The following MBNL2 variants were observed in gnomAD, a reference collection of about 807,000 sequenced individuals.
MBNL2 encodes the protein muscleblind like splicing regulator 2, also known as muscleblind-like protein 2.
A neutral mutation model predicts 41.9 loss-of-function variants in MBNL2; 17 were observed. That is an observed-to-expected ratio of 0.41 (90% confidence interval 0.28 to 0.61). The LOEUF is 0.61. Ranked by LOEUF, MBNL2 falls within the 20% of genes least tolerant of loss-of-function variation. The pLI is 0.35. For missense variants in MBNL2, 336 were observed against 505.6 expected (o/e 0.66, Z 3.22); for synonymous variants, 195 against 182.9 (o/e 1.07, Z -0.53).
intron 1 of MBNL2, among the ~76,000 whole-genome samples, chr13:97,245,401 C>T (rs758259723): frequency 1.3e-5 from 2 of 152,156 alleles, no homozygotes; most frequent in African/African-American, 2.4e-5. Flanking sequence ...CTTGGCATAT[C>T]ATAGGCTATT....
At chr13:97,375,470 A>G (rs1271794998) in intron 8 of MBNL2, among the ~76,000 whole-genome samples, 1 of 152,184 alleles carries the variant, frequency 6.6e-6, no homozygotes, top group Non-Finnish European at 1.5e-5. Context: ...AATGAGACAG[A>G]GAAGGGACAG....
At chr13:97,363,933 A>G (rs544136640) in intron 7 of MBNL2, among the ~76,000 whole-genome samples, 2 of 152,262 alleles carry the variant, frequency 1.3e-5, no homozygotes, top group African/African-American at 4.8e-5. Context: ...TCCAACTAAT[A>G]TCTCAGAAGT....
At chr13:97,265,396 T>A (rs1344640193) in intron 1 of MBNL2, among the ~76,000 whole-genome samples, 1 of 152,196 alleles carries the variant, frequency 6.6e-6, no homozygotes, top group African/African-American at 2.4e-5. Context: ...GAAAGTATGT[T>A]CCAGAGGACA....
the MBNL2 span, among the ~76,000 whole-genome samples, chr13:97,150,754 G>A: frequency 1.1e-4 from 16 of 152,148 alleles, no homozygotes; most frequent in Non-Finnish European, 1.9e-4. Context: ...TGATCCTCTT[G>A]CCACTTGCCT....
At position 97,245,434 on chromosome 13, in the gene MBNL2, T is replaced by C. The variant is rs1442949136; in HGVS notation, c.-605+22903T>C. On this transcript the variant is annotated intron_variant, in intron 1 of 8. Transcript: ENST00000679496. ...ATTCCAAGTGGTTACAAAGCTAGGA[T>C]TCTCACAAAAGTCATCCCCCGTCTT... 5.9e-5 allele frequency among the ~76,000 whole-genome samples: 9 copies of C among 152,276 alleles called. No homozygotes were observed. The East Asian group carries it at 1.7e-3, about 29-fold the overall frequency.
chr13:97,187,321 T>G, the MBNL2 span, among the ~76,000 whole-genome samples: 1 of 152,006 alleles, frequency 6.6e-6, no homozygotes, highest in South Asian at 2.1e-4. Flanking sequence ...AATCCACCAC[T>G]GAGATTTAGT....
At chr13:97,144,420 C>CTTTTTTTTTTTTTTTTTTTTTTTTTTTT in the MBNL2 span, among the ~76,000 whole-genome samples, 1 of 87,606 alleles carries the variant, frequency 1.1e-5, no homozygotes, top group African/African-American at 5.6e-5. Flanking sequence ...AGACATGATA[C>CTTTTTTTTTTTTTTTTTTTTTTTTTTTT]TTCTTTTTTT....
the MBNL2 span, among the ~76,000 whole-genome samples, chr13:97,194,717 T>C: frequency 6.6e-6 from 1 of 152,186 alleles, no homozygotes; most frequent in Non-Finnish European, 1.5e-5. Context: ...AAACTCAAGA[T>C]GGTGACAAAA....
At chr13:97,178,928 G>C in the MBNL2 span, among the ~76,000 whole-genome samples, 1 of 152,050 alleles carries the variant, frequency 6.6e-6, no homozygotes, top group Non-Finnish European at 1.5e-5. Flanking sequence ...AAATACAATG[G>C]TATATATCAA....
At chr13:97,383,233 G>A (rs1283048633) in intron 8 of MBNL2, among the ~76,000 whole-genome samples, 1 of 152,192 alleles carries the variant, frequency 6.6e-6, no homozygotes, top group Non-Finnish European at 1.5e-5. Flanking sequence ...TGGAGTCAGG[G>A]AGGGGATTAT....
At chr13:97,390,088 A>T (rs992483016) in intron 8 of MBNL2, among the ~76,000 whole-genome samples, 3 of 152,326 alleles carry the variant, frequency 2.0e-5, no homozygotes, top group East Asian at 1.9e-4. Flanking sequence ...AATATTTAAG[A>T]ATCAAAGAAT....
intron 8 of MBNL2, among the ~76,000 whole-genome samples, 153 bp from the exon 9 acceptor site, chr13:97,391,169 C>T (rs138475810): frequency 1.3e-3 from 205 of 152,080 alleles, no homozygotes; most frequent in African/African-American, 4.6e-3. Context: ...GCATGAAGGG[C>T]GGGTATTGTG....
Position 97,372,128 on chromosome 13 carries a change from G to A in MBNL2, c.1048+6957G>A, listed in dbSNP as rs149690729. Among the ~76,000 whole-genome samples, 133 of 152,292 alleles carry A rather than the reference G, an allele frequency of 8.7e-4. 2 individuals carry two copies. Among genetic ancestry groups the A allele is most frequent in the African/African-American group, 2.9e-3 (119 of 41,562 alleles). On this transcript the variant is annotated intron_variant, in intron 8 of 8. Coordinates refer to ENST00000679496, the MANE Select transcript of MBNL2 (RefSeq NM_001382683.1). ...TTATCCATCTAATTCATTCTGGCCC[G>A]TGAGTCCCTGCTAGGGAAAGAGATT...
intron 8 of MBNL2, among the ~76,000 whole-genome samples, chr13:97,383,923 G>T (rs1281585112): frequency 2.7e-5 from 4 of 150,050 alleles, no homozygotes; most frequent in Non-Finnish European, 5.9e-5. Flanking sequence ...TTTTTGAGCG[G>T]GAGTCTCGTC....
rs148253163 is a variant in MBNL2, at chr13:97,234,802, C to T, written c.-605+12271C>T. Among the ~76,000 whole-genome samples, 47 of 152,334 alleles carry T rather than the reference C, an allele frequency of 3.1e-4. 1 individual carries two copies. In the East Asian group the frequency reaches 7.1e-3, roughly 23 times the overall value. On this transcript the variant is annotated intron_variant, in intron 1 of 8. Coordinates refer to ENST00000679496, the MANE Select transcript of MBNL2 (RefSeq NM_001382683.1). ...AAGGTACACGTTTTTGGTTTTCTTC[C>T]GTCATCGTCTATGTGTTTTGGTTCA...
chr13:97,236,968 G>A (rs2043395685), intron 1 of MBNL2, among the ~76,000 whole-genome samples: 1 of 152,144 alleles, frequency 6.6e-6, no homozygotes. Context: ...ATGGAAGGAA[G>A]GAAGAGTGTG....
the MBNL2 span, among the ~76,000 whole-genome samples, chr13:97,163,457 C>A: frequency 6.6e-6 from 1 of 152,112 alleles, no homozygotes; most frequent in Non-Finnish European, 1.5e-5. Context: ...TAGAATTTGG[C>A]AAATCTGGGA....
chr13:97,278,660 C>T (rs2052698225), intron 2 of MBNL2, among the ~76,000 whole-genome samples: 1 of 152,140 alleles, frequency 6.6e-6, no homozygotes, highest in South Asian at 2.1e-4. Flanking sequence ...GAATGTTGAA[C>T]AGCATTCAAG....
At chr13:97,175,519 G>T in the MBNL2 span, among the ~76,000 whole-genome samples, 1 of 152,212 alleles carries the variant, frequency 6.6e-6, no homozygotes, top group African/African-American at 2.4e-5. Context: ...CCCCTGGAAT[G>T]AGATGGTGGC....
Sources: gnomAD v4.1 joint callset for allele counts (sites outside exome capture counted in the v4.1 genomes callset) on GRCh38, gnomAD v4.1.1 for gene constraint, MANE v1.5 for transcripts, NCBI Gene and HGNC (gene_info 2026-07-23, HGNC 2026-07-21) for gene names.